The following SLC28A1 variants were observed in gnomAD, a reference collection of about 807,000 sequenced individuals.
The protein encoded by SLC28A1 is solute carrier family 28 member 1.
SLC28A1 carries 64 observed loss-of-function variants against 74.8 expected under a neutral mutation model. The observed-to-expected ratio is 0.86, with a 90% CI of 0.70 to 1.05. SLC28A1 has a LOEUF of 1.05. Among genes scored for constraint, SLC28A1 ranks in the 50% least tolerant of loss-of-function variants. The pLI is 0.00. For missense variants in SLC28A1, 828 were observed against 822.8 expected, an observed-to-expected ratio of 1.01 and a Z score of -0.08; for synonymous variants, 359 against 335.0, an observed-to-expected ratio of 1.07 and a Z score of -0.78.
At chr15:84,946,085 C>CATATATATATATATAT (rs1352839442), downstream of SLC28A1, among the ~76,000 whole-genome samples, 8 of 23,970 alleles carry the variant, frequency 3.3e-4, no homozygotes, top group Non-Finnish European at 5.5e-4. Context: ...TGTGTATGTT[C>CATATATATATATATAT]ATATATATAT....
At chr15:84,890,576 T>A in intron 5 of SLC28A1, 42 bp downstream of exon 5, 1 of 1,466,450 alleles carries the variant, frequency 6.8e-7, no homozygotes. Flanking sequence ...CAATGACTCC[T>A]GCCTCAGCTA....
chr15:84,938,129 G>T (rs980937399), intron 15 of SLC28A1, among the ~76,000 whole-genome samples: 1 of 151,836 alleles, frequency 6.6e-6, no homozygotes, highest in Non-Finnish European at 1.5e-5. Flanking sequence ...GAACCCAGGA[G>T]GGGGAGGTTG....
rs557276006 is a variant in SLC28A1, at chr15:84,915,596, C to T, written c.796-2928C>T. On this transcript the variant is annotated intron_variant, in intron 9 of 18. Coordinates refer to ENST00000394573, the MANE Select transcript of SLC28A1 (RefSeq NM_004213.5). The stretch of plus-strand genomic sequence containing the variant: ...TCACTGACATCAGCCTCAGTCCCCA[C>T]GCTTCCTCTGACACTGCTCTCACCT... Among the ~76,000 whole-genome samples, 6 of 152,310 alleles carry T rather than the reference C, an allele frequency of 3.9e-5. No homozygotes were observed. The East Asian group carries it at 5.8e-4, about 15-fold the overall frequency.
rs1397980089 is a variant in SLC28A1, at chr15:84,928,598, CT to C, written c.1083+4491del. Among the ~76,000 whole-genome samples, 5 of 13,896 alleles carry C rather than the reference CT, an allele frequency of 3.6e-4. 1 individual carries two copies. Among genetic ancestry groups the C allele is most frequent in the Admixed American group, 5.9e-4 (1 of 1,684 alleles). The allele number at this position is 13,896 out of a possible 152,430, so 9.1% of individuals were successfully genotyped here. A position where few individuals can be genotyped will look rare whatever the true frequency, so the allele number is the denominator to read the frequency against. ...TCTTTCTTTCTTTCTTTCTTTCTTT[CT>C]TTCTTTTCTTTCTTTCTTTTCTTTC... On this transcript the variant is annotated intron_variant, in intron 12 of 18. Coordinates refer to ENST00000394573, the MANE Select transcript of SLC28A1 (RefSeq NM_004213.5).
chr15:84,889,680 C>CCTTA, intron 4 of SLC28A1, among the ~76,000 whole-genome samples: 1 of 88,094 alleles, frequency 1.1e-5, no homozygotes, highest in African/African-American at 4.2e-5. Flanking sequence ...TTCCTTCTTT[C>CCTTA]CTTCCTTCCT....
At chr15:84,948,388 C>G (rs1280358362), downstream of SLC28A1, among the ~76,000 whole-genome samples, 2 of 152,124 alleles carry the variant, frequency 1.3e-5, no homozygotes, top group African/African-American at 4.8e-5. Context: ...GTATGGATGG[C>G]CTCTGTCAAC....
chr15:84,942,153 G>C (rs563557402), intron 15 of SLC28A1, among the ~76,000 whole-genome samples: 1 of 151,998 alleles, frequency 6.6e-6, no homozygotes, highest in Non-Finnish European at 1.5e-5. Flanking sequence ...TTTAATTTTT[G>C]TGGGTATATA....
chr15:84,964,667 TC>T, the SLC28A1 span, among the ~76,000 whole-genome samples: 1 of 152,256 alleles, frequency 6.6e-6, no homozygotes, highest in African/African-American at 2.4e-5. Flanking sequence ...TTTGATTTTA[TC>T]CTTGGATTGA....
At chr15:84,905,502 G>T in intron 7 of SLC28A1, 37 bp from the exon 8 acceptor site, 1 of 1,445,698 alleles carries the variant, frequency 6.9e-7, no homozygotes, top group Non-Finnish European at 9.7e-7. Context: ...CATCCCTCAA[G>T]GAACTGAACT....
intron 13 of SLC28A1, 112 bp downstream of exon 13, chr15:84,933,387 C>G: frequency 7.5e-7 from 1 of 1,337,030 alleles, no homozygotes; most frequent in Non-Finnish European, 1.0e-6. Flanking sequence ...CTGGGCCCAT[C>G]TCTCCACTTT....
At chr15:84,895,753 C>T in intron 6 of SLC28A1, 1 of 1,186,736 alleles carries the variant, frequency 8.4e-7, no homozygotes, top group Non-Finnish European at 1.0e-6. Context: ...AGAAAATTCG[C>T]TGGGGGAAAA....
chr15:84,943,674 A>T, intron 16 of SLC28A1, 148 bp downstream of exon 16: 1 of 698,344 alleles, frequency 1.4e-6, no homozygotes, highest in Non-Finnish European at 2.6e-6. Context: ...CATGCCTGTA[A>T]TCCCAGCACT....
intron 5 of SLC28A1, among the ~76,000 whole-genome samples, chr15:84,894,443 T>G (rs1040760609): frequency 4.0e-5 from 6 of 151,008 alleles, no homozygotes; most frequent in African/African-American, 1.2e-4. Context: ...TCTTTCCTGA[T>G]GGACTGGCTG....
intron 9 of SLC28A1, among the ~76,000 whole-genome samples, chr15:84,915,514 G>T (rs1043131292): frequency 3.3e-5 from 5 of 152,194 alleles, no homozygotes; most frequent in Admixed American, 2.0e-4. Context: ...GCTGCTTCTT[G>T]CAAGGGCTGT....
intron 6 of SLC28A1, among the ~76,000 whole-genome samples, chr15:84,900,413 AAAAAAAAAAAAGAAGAAG>A (rs1330424255): frequency 2.0e-5 from 3 of 150,582 alleles, no homozygotes; most frequent in Non-Finnish European, 3.0e-5. Context: ...AAAAAAAAAA[AAAAAAAAAAAAGAAGAAG>A]AAGAAAGAAA....
At chr15:84,922,045 C>T (rs111876532) in intron 11 of SLC28A1, among the ~76,000 whole-genome samples, 1 of 152,302 alleles carries the variant, frequency 6.6e-6, no homozygotes, top group African/African-American at 2.4e-5. Flanking sequence ...GGGTCTACGC[C>T]TCATTTCCCC....
chr15:84,893,874 A>G (rs1406012169), intron 5 of SLC28A1, among the ~76,000 whole-genome samples: 1 of 152,194 alleles, frequency 6.6e-6, no homozygotes, highest in Non-Finnish European at 1.5e-5. Flanking sequence ...ACAGGGCTTC[A>G]CTGCTTGCAA....
the SLC28A1 span, among the ~76,000 whole-genome samples, chr15:84,969,343 A>C: frequency 6.6e-6 from 1 of 152,218 alleles, no homozygotes; most frequent in South Asian, 2.1e-4. Context: ...TCAGTCCTCC[A>C]TCGCCTTCAT....
At chr15:84,935,667 A>G (rs1971800101) in intron 15 of SLC28A1, 149 bp downstream of exon 15, 2 of 689,662 alleles carry the variant, frequency 2.9e-6, no homozygotes, top group South Asian at 1.8e-5. Flanking sequence ...GTCCTGGGAG[A>G]CAGGACAGCT....
Sources: allele counts gnomAD v4.1 joint callset (sites outside exome capture counted in the v4.1 genomes callset), GRCh38; gene constraint gnomAD v4.1.1; transcripts MANE v1.5; gene names NCBI Gene and HGNC (gene_info 2026-07-23, HGNC 2026-07-21).